ATP11B: variants seen among roughly 807,000 people sequenced by gnomAD.
ATP11B encodes ATPase phospholipid transporting 11B (putative).
In ATP11B, 81 loss-of-function variants were observed where a neutral mutation model predicts 157.8. The observed-to-expected ratio is 0.51, with a 90% CI of 0.43 to 0.62. The LOEUF (loss-of-function observed/expected upper bound fraction) is 0.62. ATP11B is among the 20% of genes least tolerant of loss of function. The pLI, the probability that ATP11B is intolerant of heterozygous loss-of-function variation, is 0.00. For synonymous variants in ATP11B, 451 were observed against 469.4 expected, an observed-to-expected ratio of 0.96 and a Z score of 0.51; for missense variants, 1,165 against 1,402.2, an observed-to-expected ratio of 0.83 and a Z score of 2.70.
In ATP11B at chr3:182,809,311, C is replaced by T. The variant is rs559053547; in HGVS notation, c.28-10949C>T. Among the ~76,000 whole-genome samples, 11 of 152,024 alleles carry T rather than the reference C, an allele frequency of 7.2e-5. No homozygotes were observed. In the East Asian group the frequency reaches 2.1e-3, roughly 29 times the overall value. ...TCGCCCAGGCTGGAGTGCAATGGTG[C>T]CATCTCCGCCTACTGCAACCTCCGC... On this transcript the variant is annotated intron_variant, in intron 1 of 29. Coordinates refer to ENST00000323116, the MANE Select transcript of ATP11B (RefSeq NM_014616.3).
At chr3:182,842,155 T>C in intron 8 of ATP11B, 33 bp downstream of exon 8, 1 of 1,482,108 alleles carries the variant, frequency 6.7e-7, no homozygotes, top group Non-Finnish European at 9.4e-7. Context: ...TAATTACCTT[T>C]AAATGGGAAC....
intron 10 of ATP11B, among the ~76,000 whole-genome samples, chr3:182,857,475 G>A (rs189635374): frequency 3.4e-4 from 52 of 152,024 alleles, no homozygotes; most frequent in Middle Eastern, 3.4e-3. Flanking sequence ...ATTAGGTAAG[G>A]TAGTAGATGT....
intron 19 of ATP11B, among the ~76,000 whole-genome samples, chr3:182,875,987 C>T (rs1722014262): frequency 1.3e-5 from 2 of 152,094 alleles, no homozygotes; most frequent in Admixed American, 1.3e-4. Context: ...TAGCTCATGC[C>T]TGTAATCCCA....
Position 182,920,770 on chromosome 3 carries a change from A to G in ATP11B, c.*2666A>G, listed in dbSNP as rs1003943994. The G allele has an allele frequency of 3.3e-5, 5 of 152,346 alleles. No individual in the cohort carries two copies. Among genetic ancestry groups the G allele is most frequent in the African/African-American group, 1.2e-4 (5 of 41,562 alleles). 9.4% of individuals were successfully genotyped at this position (152,346 alleles called of 1,614,324 possible). On this transcript the variant is annotated 3_prime_UTR_variant, in exon 30 of 30. Coordinates refer to ENST00000323116, the MANE Select transcript of ATP11B (RefSeq NM_014616.3). ...CCCTGGGCGGAGCAAAGTATGGGCC[A>G]GGGAGAACTACAGCTACGAAGACCT...
chr3:182,894,226 T>C (rs779232916), intron 25 of ATP11B, among the ~76,000 whole-genome samples: 3 of 152,230 alleles, frequency 2.0e-5, no homozygotes, highest in Non-Finnish European at 4.4e-5. Context: ...CTTAATACTT[T>C]ATTTCTGTAA....
At chr3:182,895,455 ATCC>A (rs1371389822) in intron 25 of ATP11B, among the ~76,000 whole-genome samples, 9 of 152,204 alleles carry the variant, frequency 5.9e-5, no homozygotes, top group African/African-American at 2.2e-4. Flanking sequence ...ACTGCGATTT[ATCC>A]TCATTTTACA....
chr3:182,839,978 C>T (rs369242584), intron 7 of ATP11B, among the ~76,000 whole-genome samples: 12 of 152,230 alleles, frequency 7.9e-5, no homozygotes, highest in African/African-American at 2.9e-4. Flanking sequence ...TTATAGTGAA[C>T]GGTATTCTTG....
chr3:182,829,687 C>T lies in ATP11B; in HGVS notation c.250C>T (p.Pro84Ser). Residue 84 changes from proline (P) to serine (S), a missense_variant, in exon 4 of 30, where the codon CCT becomes TCT. By Grantham distance (74) the Pro-to-Ser change is moderately conservative. Coordinates refer to ENST00000323116, the MANE Select transcript of ATP11B (RefSeq NM_014616.3). ...ATAAATCTAGCTTATGATTGATACACCTACCAGTCCAGTTACCAGTGGACT... is the reference window on the plus strand; with the variant it reads ...ATAAATCTAGCTTATGATTGATACATCTACCAGTCCAGTTACCAGTGGACT... ...IFLVQLMIDT[P>S]TSPVTSGLPL... 1 of 1,602,280 alleles carries T rather than the reference C, an allele frequency of 6.2e-7. No homozygotes were observed. The highest frequency in any genetic ancestry group is 8.5e-7 in the Non-Finnish European group (1 of 1,171,458).
At chr3:182,820,070 T>C (rs1717231366) in intron 1 of ATP11B, among the ~76,000 whole-genome samples, 190 bp from the exon 2 acceptor site, 1 of 152,184 alleles carries the variant, frequency 6.6e-6, no homozygotes, top group South Asian at 2.1e-4. Flanking sequence ...CTGGAGATAA[T>C]GTACCTGTTT....
In ATP11B at chr3:182,919,685, T is replaced by A. The variant is rs1420932080; in HGVS notation, c.*1581T>A. 2.0e-5 allele frequency: 3 copies of A among 152,198 alleles called. No homozygotes were observed. The highest frequency in any genetic ancestry group is 4.4e-5 in the Non-Finnish European group (3 of 68,028). The allele number at this position is 152,198 out of a possible 1,614,324, so 9.4% of individuals were successfully genotyped here. On this transcript the variant is annotated 3_prime_UTR_variant, in exon 30 of 30. Transcript: ENST00000323116. ...TTCATGAATATAAGGCTTCTAGAAT[T>A]GGACTGGCAGGGGAAAGAATGGTAG... is the stretch of plus-strand genomic sequence containing the variant.
chr3:182,900,265 T>C (rs927371638), intron 28 of ATP11B, among the ~76,000 whole-genome samples: 5 of 152,226 alleles, frequency 3.3e-5, no homozygotes, highest in Admixed American at 2.6e-4. Context: ...TCTGTGTCCT[T>C]GATCACTTCA....
intron 19 of ATP11B, among the ~76,000 whole-genome samples, chr3:182,878,631 A>G (rs1046968151): frequency 6.6e-6 from 1 of 152,216 alleles, no homozygotes; most frequent in East Asian, 1.9e-4. Flanking sequence ...GTGAGACTGT[A>G]CTTGGAGTAG....
At chr3:182,857,832 G>A in intron 10 of ATP11B, 46 bp from the exon 11 acceptor site, 2 of 1,210,464 alleles carry the variant, frequency 1.7e-6, no homozygotes, top group Non-Finnish European at 2.4e-6. Context: ...AATGAATATA[G>A]TAATACATGA....
intron 1 of ATP11B, among the ~76,000 whole-genome samples, chr3:182,805,793 T>TA (rs1476690435): frequency 2.0e-5 from 3 of 151,912 alleles, no homozygotes; most frequent in East Asian, 1.9e-4. Flanking sequence ...TCTTGTGTTT[T>TA]AAAAAAAATT....
rs948901510 is a variant in ATP11B at position 182,820,253 on chromosome 3, G to A, written c.28-7G>A. On this transcript the variant is annotated splice_polypyrimidine_tract_variant and splice_region_variant and intron_variant, in intron 1 of 29. Coordinates refer to ENST00000323116, the MANE Select transcript of ATP11B (RefSeq NM_014616.3). ...TATTTCTTTTTCTCTTGCTTGATTG[G>A]TCTTAGGGTTTTGACCCACCACATC... The A allele has an allele frequency of 6.3e-7, 1 of 1,589,972 alleles. No homozygotes were observed. Among genetic ancestry groups the A allele is most frequent in the Non-Finnish European group, 8.6e-7 (1 of 1,158,242 alleles).
At chr3:182,819,549 T>G (rs1368410602) in intron 1 of ATP11B, among the ~76,000 whole-genome samples, 2 of 152,198 alleles carry the variant, frequency 1.3e-5, no homozygotes, top group African/African-American at 4.8e-5. Flanking sequence ...ACAGATGGTC[T>G]TCTCAATCTG....
intron 7 of ATP11B, 77 bp from the exon 8 acceptor site, chr3:182,841,993 AAAAAC>A: frequency 1.1e-6 from 1 of 910,828 alleles, no homozygotes; most frequent in Non-Finnish European, 1.7e-6. Context: ...AAAAAAAAAA[AAAAAC>A]AAAGGATGGT....
In ATP11B at chr3:182,836,452, C is replaced by T. The variant is rs558788655; in HGVS notation, c.534C>T (p.Asp178=). Residue 178 remains aspartate, a synonymous_variant, in exon 6 of 30, where the codon GAC becomes GAT. Coordinates refer to ENST00000323116, the MANE Select transcript of ATP11B (RefSeq NM_014616.3). ...GTCACGTTACAACTGCTAGTTTGGA[C>T]GGAGAAACTAACCTGAAGGTTTGCT... The part of the protein sequence containing the change: ...GSCHVTTASL[D]GETNLKTHVA... The T allele has an allele frequency of 1.6e-4, 258 of 1,613,682 alleles. No homozygotes were observed. Among genetic ancestry groups the T allele is most frequent in the Non-Finnish European group, 1.9e-4 (230 of 1,179,830 alleles).
At chr3:182,836,546 T>C (rs1718568544) in intron 6 of ATP11B, 76 bp downstream of exon 6, 1 of 1,545,578 alleles carries the variant, frequency 6.5e-7, no homozygotes, top group Admixed American at 1.8e-5. Flanking sequence ...TAACTTTGGT[T>C]AAAGTAGTAA....
Sources: gnomAD v4.1 joint callset for allele counts (sites outside exome capture counted in the v4.1 genomes callset) on GRCh38, gnomAD v4.1.1 for gene constraint, MANE v1.5 for transcripts, NCBI Gene and HGNC (gene_info 2026-07-23, HGNC 2026-07-21) for gene names.